CCSER1: variants seen among roughly 807,000 people sequenced by gnomAD.
CCSER1 encodes serine-rich coiled-coil domain-containing protein 1.
Under a neutral mutation model 82.0 loss-of-function variants are expected in CCSER1, and 41 were observed. That is an observed-to-expected ratio of 0.50 (90% CI 0.39 to 0.65). CCSER1 has a LOEUF of 0.65. CCSER1 is among the 30% of genes least tolerant of loss of function. The pLI, the probability that CCSER1 is intolerant of heterozygous loss-of-function variation, is 0.00. For missense variants in CCSER1, 1,119 were observed against 1,064.2 expected (o/e 1.05, Z -0.72); for synonymous variants, 414 against 383.9 (o/e 1.08, Z -0.92).
intron 1 of CCSER1, among the ~76,000 whole-genome samples, chr4:90,207,053 T>A (rs955266443): frequency 6.6e-6 from 1 of 152,072 alleles, no homozygotes; most frequent in African/African-American, 2.4e-5. Flanking sequence ...TATTCCTCCA[T>A]CCCTTTATTT....
At position 90,354,378 on chromosome 4, in the gene CCSER1, A is replaced by G. The variant is rs532766522; in HGVS notation, c.1509+41331A>G. Among the ~76,000 whole-genome samples the G allele has an allele frequency of 5.3e-5, 8 of 152,322 alleles. No homozygotes were observed. In the South Asian group the frequency reaches 1.7e-3, roughly 32 times the overall value. On this transcript the variant is annotated intron_variant, in intron 3 of 10. Transcript: ENST00000509176. ...TTTGGCATTATGTATATAAAATAAC[A>G]TGAGATGAATATGTTCCAGGGATTT...
Position 90,196,678 on chromosome 4 carries a change from CA to C in CCSER1, c.-42+68848del, listed in dbSNP as rs1578432767. On this transcript the variant is annotated intron_variant, in intron 1 of 10. Transcript: ENST00000509176. ...AGATACACACACACACACACACACA[CA>C]CACACACACAATCTTAGCTCATTGT... Among the ~76,000 whole-genome samples, 3 of 151,872 alleles carry C rather than the reference CA, an allele frequency of 2.0e-5. No individual in the cohort carries two copies. The East Asian group carries it at 5.8e-4, about 29-fold the overall frequency.
chr4:90,660,389 TG>T (rs1300470644), intron 6 of CCSER1, among the ~76,000 whole-genome samples: 1 of 152,042 alleles, frequency 6.6e-6, no homozygotes, highest in Non-Finnish European at 1.5e-5. Context: ...GCAACATGGA[TG>T]GAACTAGAAG....
rs1375119129 is a variant in CCSER1, at chr4:90,752,631, A to G, written c.2010+28640A>G. On this transcript the variant is annotated intron_variant, in intron 7 of 10. Transcript: ENST00000509176. The stretch of plus-strand genomic sequence containing the variant: ...GTTTGATCTGGAGTGATGTGAACCA[A>G]TGTGTAAATTTGTATTTCCCTTCAT... Among the ~76,000 whole-genome samples the G allele has an allele frequency of 3.9e-5, 6 of 152,174 alleles. No individual in the cohort carries two copies. In the South Asian group the frequency reaches 8.3e-4, roughly 21 times the overall value.
At chr4:90,232,804 G>T (rs1184345217) in intron 1 of CCSER1, among the ~76,000 whole-genome samples, 1 of 151,212 alleles carries the variant, frequency 6.6e-6, no homozygotes, top group African/African-American at 2.4e-5. Flanking sequence ...CCATCAAAAA[G>T]TGGGTGAAGG....
chr4:90,458,910 T>A (rs1762520539), intron 4 of CCSER1, among the ~76,000 whole-genome samples: 1 of 152,210 alleles, frequency 6.6e-6, no homozygotes, highest in Non-Finnish European at 1.5e-5. Context: ...CTCTAACTGG[T>A]GGCTGTGCAA....
At chr4:91,114,692 A>G (rs1247207294) in intron 10 of CCSER1, among the ~76,000 whole-genome samples, 1 of 152,212 alleles carries the variant, frequency 6.6e-6, no homozygotes, top group Non-Finnish European at 1.5e-5. Context: ...GATGAGAGGG[A>G]GGGAGACGGC....
At chr4:90,304,411 A>G (rs1301311124) in intron 1 of CCSER1, among the ~76,000 whole-genome samples, 3 of 152,238 alleles carry the variant, frequency 2.0e-5, no homozygotes, top group African/African-American at 4.8e-5. Flanking sequence ...ATGTCCATCA[A>G]TGATAGACTG....
intron 10 of CCSER1, among the ~76,000 whole-genome samples, chr4:91,401,541 G>A (rs1019019076): frequency 3.3e-5 from 5 of 151,314 alleles, no homozygotes; most frequent in Non-Finnish European, 5.9e-5. Flanking sequence ...AATTCTATTC[G>A]TCCCCCCTCC....
chr4:90,951,680 C>CT (rs1276566821), intron 9 of CCSER1, among the ~76,000 whole-genome samples: 20 of 152,034 alleles, frequency 1.3e-4, no homozygotes, highest in African/African-American at 4.6e-4. Flanking sequence ...TTTGCATATA[C>CT]TGCAAAGAGA....
intron 1 of CCSER1, among the ~76,000 whole-genome samples, chr4:90,281,028 A>T (rs1477363202): frequency 6.6e-6 from 1 of 152,046 alleles, no homozygotes; most frequent in African/African-American, 2.4e-5. Context: ...TTCCAACTTC[A>T]AAAGTATTTT....
At chr4:91,031,676 A>G (rs2150556042) in intron 9 of CCSER1, among the ~76,000 whole-genome samples, 1 of 152,022 alleles carries the variant, frequency 6.6e-6, no homozygotes, top group Non-Finnish European at 1.5e-5. Context: ...TTTCAGCACT[A>G]TTTTTTTCTT....
At chr4:90,757,932 T>C (rs941557706) in intron 7 of CCSER1, among the ~76,000 whole-genome samples, 4 of 146,408 alleles carry the variant, frequency 2.7e-5, no homozygotes, top group African/African-American at 2.5e-5. Flanking sequence ...TGTTTCCTTT[T>C]CTTTTTTTTT....
intron 8 of CCSER1, among the ~76,000 whole-genome samples, chr4:90,883,398 T>A (rs955399759): frequency 6.6e-6 from 1 of 152,024 alleles, no homozygotes; most frequent in African/African-American, 2.4e-5. Context: ...TCACTAATAT[T>A]TATATTGACA....
At chr4:90,392,444 A>T (rs1179941242) in intron 3 of CCSER1, among the ~76,000 whole-genome samples, 2 of 152,066 alleles carry the variant, frequency 1.3e-5, no homozygotes, top group Non-Finnish European at 2.9e-5. Context: ...TACTTGGAAA[A>T]ATTAATATTG....
At chr4:90,413,846 G>A (rs187801724) in intron 4 of CCSER1, among the ~76,000 whole-genome samples, 3,662 of 147,516 alleles carry the variant, frequency 0.025, 76 homozygotes, top group Non-Finnish European at 0.037. Flanking sequence ...CTACTCGGGA[G>A]GCTGAGGCAG....
chr4:90,660,290 C>T (rs923397267), intron 6 of CCSER1, among the ~76,000 whole-genome samples: 3 of 152,050 alleles, frequency 2.0e-5, no homozygotes, highest in Middle Eastern at 3.4e-3. Flanking sequence ...AAGTGTCCAT[C>T]GTCGATGGAC....
chr4:91,294,730 T>C (rs554390299), intron 10 of CCSER1, among the ~76,000 whole-genome samples: 1 of 152,000 alleles, frequency 6.6e-6, no homozygotes, highest in East Asian at 2.0e-4. Flanking sequence ...TTGTTTTTAA[T>C]TTCATAAACT....
chr4:91,324,066 G>T (rs1746381061), intron 10 of CCSER1, among the ~76,000 whole-genome samples: 2 of 152,110 alleles, frequency 1.3e-5, no homozygotes, highest in Non-Finnish European at 2.9e-5. Context: ...ACAGATTGTT[G>T]TTAAAGCTGG....
Sources: gnomAD v4.1 joint callset for allele counts (sites outside exome capture counted in the v4.1 genomes callset) on GRCh38, gnomAD v4.1.1 for gene constraint, MANE v1.5 for transcripts, NCBI Gene and HGNC (gene_info 2026-07-23, HGNC 2026-07-21) for gene names.